MXI1: variants seen among roughly 807,000 people sequenced by gnomAD.
MXI1 encodes max-interacting protein 1.
A neutral mutation model predicts 36.9 loss-of-function variants in MXI1; 18 were observed. The ratio of observed to expected loss-of-function variants is 0.49; its 90% CI spans 0.34 to 0.72. MXI1 has a LOEUF of 0.72. Among genes scored for constraint, MXI1 ranks in the 30% least tolerant of loss-of-function variants. The pLI, the probability that MXI1 is intolerant of heterozygous loss-of-function variation, is 0.01. For synonymous variants in MXI1, 160 were observed against 146.7 expected, an observed-to-expected ratio of 1.09 and a Z score of -0.65; for missense variants, 304 against 379.1, an observed-to-expected ratio of 0.80 and a Z score of 1.64.
intron 3 of MXI1, among the ~76,000 whole-genome samples, chr10:110,254,563 A>G (rs1856216211): frequency 6.6e-6 from 1 of 152,178 alleles, no homozygotes; most frequent in South Asian, 2.1e-4. Flanking sequence ...ACCAGGATAG[A>G]CTGAAAGCTA....
At chr10:110,227,292 C>T (rs1161704424) in intron 1 of MXI1, 1 of 688,438 alleles carries the variant, frequency 1.5e-6, no homozygotes, top group Non-Finnish European at 1.6e-6. Context: ...GGGGCGTGCG[C>T]GTGTGGGAGG....
In MXI1 at chr10:110,226,030, G is replaced by GGGCGCGGCT. The variant is rs1219472946; in HGVS notation, c.275-2147_275-2139dup. On this transcript the variant is annotated intron_variant, in intron 1 of 5. Transcript: ENST00000332674. ...ACGCGCGGGCTGCCCGCGGCACGGC[G>GGGCGCGGCT]GGCGCGGCTGGCGCGGCTGGGGCGG... 1.0e-3 allele frequency: 957 copies of GGGCGCGGCT among 951,112 alleles called. 1 individual carries two copies. The highest frequency in any genetic ancestry group is 6.3e-3 in the East Asian group (48 of 7,648). 58.9% of individuals were successfully genotyped at this position (951,112 alleles called of 1,614,324 possible).
At chr10:110,215,472 A>C (rs930047175) in intron 1 of MXI1, among the ~76,000 whole-genome samples, 8 of 152,182 alleles carry the variant, frequency 5.3e-5, no homozygotes, top group Non-Finnish European at 1.0e-4. Flanking sequence ...TGGCTTGCCC[A>C]AGATGACACA....
chr10:110,218,650 C>T (rs1854718402), intron 1 of MXI1, among the ~76,000 whole-genome samples: 1 of 152,064 alleles, frequency 6.6e-6, no homozygotes, highest in Non-Finnish European at 1.5e-5. Flanking sequence ...TCTAGGGTGT[C>T]ACTGCTTGCA....
At position 110,233,226 on chromosome 10, in the gene MXI1, A is replaced by G. The variant is rs141830373; in HGVS notation, c.407+4905A>G. 3.3e-4 allele frequency among the ~76,000 whole-genome samples: 50 copies of G among 152,298 alleles called. 1 individual carries two copies. Among genetic ancestry groups the G allele is most frequent in the African/African-American group, 1.2e-3 (49 of 41,598 alleles). On this transcript the variant is annotated intron_variant, in intron 2 of 5. Transcript: ENST00000332674. ...ACTTTTCTGTTGTTTATAAGGCTTT[A>G]GTTTAATTTTTCTTAAACTGTAGAA...
At chr10:110,239,387 A>G (rs964416932) in intron 2 of MXI1, among the ~76,000 whole-genome samples, 2 of 152,174 alleles carry the variant, frequency 1.3e-5, no homozygotes, top group African/African-American at 2.4e-5. Context: ...TACCCTCCCA[A>G]CAGAAGGATT....
chr10:110,278,870 T>C (rs998597105), intron 3 of MXI1, among the ~76,000 whole-genome samples: 4 of 152,210 alleles, frequency 2.6e-5, no homozygotes, highest in Admixed American at 6.5e-5. Context: ...ACAATTGTCC[T>C]GGTATGTTTT....
chr10:110,253,803 G>T (rs1856186467), intron 3 of MXI1, among the ~76,000 whole-genome samples: 1 of 151,958 alleles, frequency 6.6e-6, no homozygotes, highest in Non-Finnish European at 1.5e-5. Context: ...AGATGCAAAG[G>T]GTATTAGTAT....
At chr10:110,221,177 A>G (rs1218176002) in intron 1 of MXI1, among the ~76,000 whole-genome samples, 2 of 152,218 alleles carry the variant, frequency 1.3e-5, no homozygotes, top group African/African-American at 4.8e-5. Flanking sequence ...TTGGGAATGC[A>G]ACTTCGTCTT....
intron 5 of MXI1, among the ~76,000 whole-genome samples, chr10:110,281,635 T>C (rs1857254268): frequency 2.0e-5 from 3 of 152,246 alleles, no homozygotes; most frequent in African/African-American, 7.2e-5. Flanking sequence ...CTGTGTGTTG[T>C]ATATATGTAC....
intron 2 of MXI1, among the ~76,000 whole-genome samples, chr10:110,235,885 T>C (rs1280215034): frequency 6.6e-6 from 1 of 151,860 alleles, no homozygotes; most frequent in Non-Finnish European, 1.5e-5. Context: ...CACACGCCAG[T>C]AATCCCAGCT....
chr10:110,259,660 G>A (rs1856439199), intron 3 of MXI1, among the ~76,000 whole-genome samples: 1 of 151,962 alleles, frequency 6.6e-6, no homozygotes, highest in Non-Finnish European at 1.5e-5. Context: ...TTAGTATCTT[G>A]CATTTATATT....
At chr10:110,245,639 C>T (rs1855835041) in intron 3 of MXI1, 1 of 151,940 alleles carries the variant, frequency 6.6e-6, no homozygotes, top group Non-Finnish European at 1.5e-5. Flanking sequence ...TCTACCATGC[C>T]CAAGAGTTTA....
intron 5 of MXI1, among the ~76,000 whole-genome samples, chr10:110,281,228 C>A (rs1857237057): frequency 6.6e-6 from 1 of 152,170 alleles, no homozygotes; most frequent in South Asian, 2.1e-4. Context: ...AATATTTTTT[C>A]TGGAATGCTT....
At chr10:110,241,598 C>T (rs1855673573) in intron 2 of MXI1, among the ~76,000 whole-genome samples, 1 of 151,928 alleles carries the variant, frequency 6.6e-6, no homozygotes, top group South Asian at 2.1e-4. Flanking sequence ...GTCCTCACAG[C>T]TGACTAAATG....
chr10:110,285,039 A>T lies in MXI1; in HGVS notation c.*52A>T. The stretch of plus-strand genomic sequence containing the variant: ...GCAAAATATTCACTGGGCCAATTCA[A>T]TACAAACAATCTCTTAAATTGGGTT... On this transcript the variant is annotated 3_prime_UTR_variant, in exon 6 of 6. Coordinates refer to ENST00000332674, the MANE Select transcript of MXI1 (RefSeq NM_130439.3). 6.6e-7 allele frequency: 1 copy of T among 1,508,714 alleles called. No individual in the cohort carries two copies. The highest frequency in any genetic ancestry group is 8.9e-7 in the Non-Finnish European group (1 of 1,120,806). The allele number at this position is 1,508,714 out of a possible 1,614,324, so 93.5% of individuals were successfully genotyped here.
rs1055228922 is a variant in MXI1 at position 110,210,263 on chromosome 10, C to T, written c.274+2181C>T. ...CGAGGCGTCCGCCCTGCAAATCTGC[C>T]AGCCCCCGAGAGGGGTTTGGAACCT... is the stretch of plus-strand genomic sequence containing the variant. On this transcript the variant is annotated intron_variant, in intron 1 of 5. Coordinates refer to ENST00000332674, the MANE Select transcript of MXI1 (RefSeq NM_130439.3). The T allele has an allele frequency of 7.1e-6, 7 of 985,244 alleles. No homozygotes were observed. In the East Asian group the frequency reaches 8.0e-4, roughly 112 times the overall value. The allele number at this position is 985,244 out of a possible 1,614,324, so 61.0% of individuals were successfully genotyped here. A position where few individuals can be genotyped will look rare whatever the true frequency, so the allele number is the denominator to read the frequency against.
At chr10:110,233,873 G>A (rs1013301009) in intron 2 of MXI1, among the ~76,000 whole-genome samples, 1 of 152,160 alleles carries the variant, frequency 6.6e-6, no homozygotes, top group African/African-American at 2.4e-5. Context: ...AAGGAAACTT[G>A]TATGATCATG....
At chr10:110,221,668 G>A (rs1312190639) in intron 1 of MXI1, among the ~76,000 whole-genome samples, 6 of 152,232 alleles carry the variant, frequency 3.9e-5, no homozygotes, top group Admixed American at 3.3e-4. Flanking sequence ...TTTCTAAGAG[G>A]GAAGAGATGG....
Sources: gnomAD v4.1 joint callset for allele counts (sites outside exome capture counted in the v4.1 genomes callset) on GRCh38, gnomAD v4.1.1 for gene constraint, MANE v1.5 for transcripts, NCBI Gene and HGNC (gene_info 2026-07-23, HGNC 2026-07-21) for gene names.